SYNE2: variants seen among roughly 807,000 people sequenced by gnomAD.
The protein encoded by SYNE2 is spectrin repeat containing nuclear envelope protein 2, also known as nesprin-2.
Under a neutral mutation model 856.3 loss-of-function variants are expected in SYNE2, and 431 were observed. That is an observed-to-expected ratio of 0.50 (90% CI 0.47 to 0.55). SYNE2 has a LOEUF of 0.55. Among genes scored for constraint, SYNE2 ranks in the 20% least tolerant of loss-of-function variants. SYNE2 has a pLI of 0.00. For missense variants in SYNE2, 8,129 were observed against 8,023.2 expected, an observed-to-expected ratio of 1.01 and a Z score of -0.50; for synonymous variants, 2,923 against 2,872.3, an observed-to-expected ratio of 1.02 and a Z score of -0.56.
chr14:63,903,813 T>A (rs2095370537), intron 1 of SYNE2, among the ~76,000 whole-genome samples: 1 of 149,686 alleles, frequency 6.7e-6, no homozygotes, highest in African/African-American at 2.4e-5. Flanking sequence ...TGGCCATTCT[T>A]TTTTTTTTTT....
chr14:64,049,930 C>T (rs1189168895), intron 47 of SYNE2, 54 bp downstream of exon 47: 1 of 1,598,660 alleles, frequency 6.3e-7, no homozygotes, highest in African/African-American at 1.3e-5. Context: ...CAACCATCTG[C>T]CACCTTGGAC....
intron 12 of SYNE2, 135 bp from the exon 13 acceptor site, chr14:63,977,769 TA>T (rs559054829): frequency 6.5e-5 from 44 of 681,594 alleles, no homozygotes; most frequent in Non-Finnish European, 7.9e-5. Flanking sequence ...CTTAAAACAA[TA>T]AAAAAAAGGT....
chr14:64,182,407 A>T (rs1237604888), intron 96 of SYNE2, among the ~76,000 whole-genome samples: 1 of 151,678 alleles, frequency 6.6e-6, no homozygotes, highest in African/African-American at 2.4e-5. Context: ...TTATTTATTT[A>T]TATTGATCAT....
chr14:64,010,956 C>T (rs189258639), intron 32 of SYNE2, among the ~76,000 whole-genome samples: 15 of 152,186 alleles, frequency 9.9e-5, no homozygotes, highest in Middle Eastern at 3.4e-3. Context: ...ATTGATTTTA[C>T]GAGTACTAAG....
intron 85 of SYNE2, among the ~76,000 whole-genome samples, chr14:64,156,105 G>T (rs572842110): frequency 3.1e-4 from 47 of 152,154 alleles, no homozygotes; most frequent in Admixed American, 2.6e-4. Flanking sequence ...GGAACATTTT[G>T]AAAATATTCC....
intron 1 of SYNE2, among the ~76,000 whole-genome samples, chr14:63,812,333 C>T (rs1020621607): frequency 1.3e-5 from 2 of 152,174 alleles, no homozygotes; most frequent in African/African-American, 2.4e-5. Context: ...TTCTGCCCAA[C>T]CCTGCAGGCA....
intron 1 of SYNE2, among the ~76,000 whole-genome samples, chr14:63,869,168 A>G (rs1395169999): frequency 6.6e-6 from 1 of 152,216 alleles, no homozygotes; most frequent in Non-Finnish European, 1.5e-5. Context: ...GTGGAAACTG[A>G]TGAAAAGTGT....
At chr14:63,968,937 GTTCT>G (rs2096435354) in intron 11 of SYNE2, among the ~76,000 whole-genome samples, 1 of 152,098 alleles carries the variant, frequency 6.6e-6, no homozygotes, top group Non-Finnish European at 1.5e-5. Flanking sequence ...GGTCTTATTT[GTTCT>G]TTCTATTTTT....
At chr14:64,145,225 C>T (rs1307629238) in intron 83 of SYNE2, among the ~76,000 whole-genome samples, 4 of 147,748 alleles carry the variant, frequency 2.7e-5, no homozygotes, top group African/African-American at 1.0e-4. Flanking sequence ...CCACGCCTGG[C>T]CGGGCAGCCT....
intron 45 of SYNE2, among the ~76,000 whole-genome samples, chr14:64,033,832 G>A (rs2097062483): frequency 6.6e-6 from 1 of 152,106 alleles, no homozygotes; most frequent in Admixed American, 6.5e-5. Flanking sequence ...CAGGGCAAAT[G>A]GAGGAATTGA....
At chr14:63,982,984 C>T (rs1221436479) in intron 17 of SYNE2, among the ~76,000 whole-genome samples, 190 bp downstream of exon 17, 2 of 152,034 alleles carry the variant, frequency 1.3e-5, no homozygotes, top group East Asian at 1.9e-4. Flanking sequence ...TTTCTTCCAA[C>T]CCCCACCCCC....
intron 1 of SYNE2, among the ~76,000 whole-genome samples, chr14:63,900,858 G>C (rs541129003): frequency 2.0e-5 from 3 of 152,260 alleles, no homozygotes; most frequent in African/African-American, 2.4e-5. Context: ...GCTTGTAAGT[G>C]GACTGTCAAT....
chr14:63,786,862 C>G (rs1465009815), intron 1 of SYNE2, among the ~76,000 whole-genome samples: 1 of 152,160 alleles, frequency 6.6e-6, no homozygotes, highest in Non-Finnish European at 1.5e-5. Flanking sequence ...ATCCTGGGCT[C>G]AAGTGATCCT....
intron 82 of SYNE2, among the ~76,000 whole-genome samples, chr14:64,142,567 G>C (rs1325839545): frequency 6.6e-6 from 1 of 152,150 alleles, no homozygotes; most frequent in Non-Finnish European, 1.5e-5. Context: ...GCCAGACTAG[G>C]TGACTTTCCT....
At chr14:64,199,953 G>A (rs1178902877) in intron 99 of SYNE2, among the ~76,000 whole-genome samples, 2 of 151,992 alleles carry the variant, frequency 1.3e-5, no homozygotes, top group Non-Finnish European at 2.9e-5. Flanking sequence ...ACAGCCCTGG[G>A]GAAACCAAGC....
intron 1 of SYNE2, among the ~76,000 whole-genome samples, chr14:63,889,720 C>T (rs372338454): frequency 1.3e-5 from 2 of 152,204 alleles, no homozygotes; most frequent in Admixed American, 6.5e-5. Flanking sequence ...TCAAGTGATC[C>T]TCCCACCTTG....
chr14:63,932,131 C>T (rs1292455559), intron 2 of SYNE2, among the ~76,000 whole-genome samples: 1 of 151,968 alleles, frequency 6.6e-6, no homozygotes, highest in African/African-American at 2.4e-5. Flanking sequence ...AATCCCAGCA[C>T]TTGGGAGGCC....
chr14:64,202,577 T>C (rs2098578693), intron 99 of SYNE2, among the ~76,000 whole-genome samples: 1 of 152,214 alleles, frequency 6.6e-6, no homozygotes. Flanking sequence ...CTCAGTCCTT[T>C]TGAAAATCAA....
intron 2 of SYNE2, among the ~76,000 whole-genome samples, chr14:63,932,567 G>A (rs2095774899): frequency 1.3e-5 from 2 of 151,946 alleles, no homozygotes; most frequent in South Asian, 4.2e-4. Context: ...AATTAGGTGT[G>A]GTGGCACACA....
Sources: gnomAD v4.1 joint callset for allele counts (sites outside exome capture counted in the v4.1 genomes callset) on GRCh38, gnomAD v4.1.1 for gene constraint, MANE v1.5 for transcripts, NCBI Gene and HGNC (gene_info 2026-07-23, HGNC 2026-07-21) for gene names.